The following PCDHA7 variants were observed in gnomAD, a reference collection of about 807,000 sequenced individuals.
PCDHA7 encodes protocadherin alpha 7, also known as protocadherin alpha-7.
In PCDHA7, 37 loss-of-function variants were observed where a neutral mutation model predicts 57.2. That is an observed-to-expected ratio of 0.65 (90% confidence interval 0.50 to 0.85). The LOEUF (loss-of-function observed/expected upper bound fraction) is 0.85. Ranked by LOEUF, PCDHA7 falls within the 40% of genes least tolerant of loss-of-function variation. The probability of loss-of-function intolerance (pLI) is 0.00; values close to 1 mark genes in which losing one functional copy is unlikely to be tolerated. For synonymous variants in PCDHA7, 553 were observed against 558.8 expected, an observed-to-expected ratio of 0.99 and a Z score of 0.15; for missense variants, 1,188 against 1,241.8, an observed-to-expected ratio of 0.96 and a Z score of 0.65.
At chr5:140,858,510 T>A (rs565313627) in intron 1 of PCDHA7, 1 of 1,437,158 alleles carries the variant, frequency 7.0e-7, no homozygotes. Context: ...TTCTCAAATA[T>A]GTATCAGAAT....
chr5:140,915,665 G>A (rs1208319882), intron 1 of PCDHA7, among the ~76,000 whole-genome samples: 1 of 149,092 alleles, frequency 6.7e-6, no homozygotes, highest in African/African-American at 2.5e-5. Context: ...TCAAGGTGCT[G>A]GGCCATCTTG....
At chr5:140,913,503 T>G (rs1334607884) in intron 1 of PCDHA7, among the ~76,000 whole-genome samples, 6 of 152,182 alleles carry the variant, frequency 3.9e-5, no homozygotes, top group African/African-American at 1.4e-4. Context: ...GTTTAAAACT[T>G]TGTCAATTTT....
chr5:140,953,045 C>A (rs1414124229), intron 1 of PCDHA7, among the ~76,000 whole-genome samples: 2 of 152,288 alleles, frequency 1.3e-5, no homozygotes, highest in Admixed American at 6.5e-5. Flanking sequence ...CCCCATGATC[C>A]AATCACCTCT....
At chr5:140,927,627 T>A (rs145171269) in intron 1 of PCDHA7, 5 of 1,614,062 alleles carry the variant, frequency 3.1e-6, no homozygotes, top group Non-Finnish European at 3.4e-6. Flanking sequence ...TTCCAGAGAC[T>A]GCACCCAATG....
chr5:140,882,284 C>T (rs782560108), intron 1 of PCDHA7: 7 of 1,612,734 alleles, frequency 4.3e-6, no homozygotes, highest in Non-Finnish European at 5.9e-6. Context: ...GTCTTCCTGG[C>T]AAGGAGGCCC....
At chr5:140,897,580 G>A (rs1420816335) in intron 1 of PCDHA7, among the ~76,000 whole-genome samples, 1 of 151,964 alleles carries the variant, frequency 6.6e-6, no homozygotes, top group African/African-American at 2.4e-5. Flanking sequence ...TCTTAATCCA[G>A]TCTGTCATTG....
intron 1 of PCDHA7, chr5:140,966,814 CCGG>C (rs2096057641): frequency 1.9e-6 from 3 of 1,552,444 alleles, no homozygotes; most frequent in Non-Finnish European, 2.6e-6. Flanking sequence ...ATCCACGGCT[CCGG>C]CGGCCCATGC....
chr5:140,967,838 G>A, intron 1 of PCDHA7: 1 of 1,614,124 alleles, frequency 6.2e-7, no homozygotes, highest in Non-Finnish European at 8.5e-7. Flanking sequence ...CATCGTGGAC[G>A]TGAATGACAA....
At chr5:140,884,075 T>C (rs2059980601) in intron 1 of PCDHA7, 1 of 1,613,342 alleles carries the variant, frequency 6.2e-7, no homozygotes, top group South Asian at 1.1e-5. Context: ...CGATTCGGGC[T>C]ACAATGCGTG....
chr5:140,927,685 A>G lies in PCDHA7; in HGVS notation c.2356-51264A>G, dbSNP rs782137754. 2.5e-6 allele frequency: 4 copies of G among 1,614,092 alleles called. No individual in the cohort carries two copies. In the African/African-American group the frequency reaches 4.0e-5, roughly 16 times the overall value. ...AGCCTTGGATCCAGATGAAGGGTCC[A>G]ATGGGGAAGTCCAGTACTCCCTAAG... is the stretch of plus-strand genomic sequence containing the variant. On this transcript the variant is annotated intron_variant, in intron 1 of 3. Transcript: ENST00000525929.
At chr5:140,876,437 C>T (rs1554168557) in intron 1 of PCDHA7, 1 of 1,613,906 alleles carries the variant, frequency 6.2e-7, no homozygotes, top group Non-Finnish European at 8.5e-7. Context: ...CAGGTTAACG[C>T]CATTGATAAA....
chr5:140,938,148 A>G (rs563866654), intron 1 of PCDHA7, among the ~76,000 whole-genome samples: 1 of 152,284 alleles, frequency 6.6e-6, no homozygotes, highest in African/African-American at 2.4e-5. Context: ...GTCTCACTAC[A>G]TTGCCCAGGC....
At position 140,835,585 on chromosome 5, in the gene PCDHA7, T is replaced by G; in HGVS notation, c.1202T>G (p.Phe401Cys). The stretch of plus-strand genomic sequence containing the variant: ...GTTCCCTTCAAGTTGGTGTCCACCT[T>G]CAAGAATTACTATTCATTGGTGCTG... ...PRVPFKLVST[F>C]KNYYSLVLDS... Residue 401 changes from phenylalanine (F) to cysteine (C), a missense_variant, in exon 1 of 4, where the codon TTC becomes TGC. This residue lies in a region of PCDHA7 where 892 missense variants were observed against 788.5 expected (regional missense o/e 1.13). Coordinates refer to ENST00000525929, the MANE Select transcript of PCDHA7 (RefSeq NM_018910.3). 1 of 1,613,922 alleles carries G rather than the reference T, an allele frequency of 6.2e-7. No individual in the cohort carries two copies. The highest frequency in any genetic ancestry group is 1.1e-5 in the South Asian group (1 of 91,080).
At position 140,856,753 on chromosome 5, in the gene PCDHA7, T is replaced by C. The variant is rs373420913; in HGVS notation, c.2355+20015T>C. 311 of 1,596,470 alleles carry C rather than the reference T, an allele frequency of 1.9e-4. 24 individuals are homozygous for C. Among genetic ancestry groups the C allele is most frequent in the Non-Finnish European group, 2.6e-4 (309 of 1,166,472 alleles). On this transcript the variant is annotated intron_variant, in intron 1 of 3. Coordinates refer to ENST00000525929, the MANE Select transcript of PCDHA7 (RefSeq NM_018910.3). ...TGCTGATCCTGGTGTTAGATGCCAA[T>C]GATAACGCCCCTATCTTTGACAGAC...
chr5:140,850,924 T>A (rs2150502629), intron 1 of PCDHA7: 3 of 1,517,174 alleles, frequency 2.0e-6, no homozygotes, highest in Non-Finnish European at 1.8e-6. Flanking sequence ...ATTTATATAA[T>A]TTTTTTTCTT....
intron 1 of PCDHA7, chr5:140,858,710 T>C (rs2150436389): frequency 5.6e-6 from 3 of 537,418 alleles, no homozygotes; most frequent in South Asian, 5.1e-5. Flanking sequence ...ATATGTGATA[T>C]AGGTTGCAGT....
At chr5:140,987,334 C>A (rs925665306) in intron 3 of PCDHA7, among the ~76,000 whole-genome samples, 1 of 152,086 alleles carries the variant, frequency 6.6e-6, no homozygotes, top group East Asian at 1.9e-4. Flanking sequence ...AAGAACTGGT[C>A]TAAGGTAAAT....
intron 3 of PCDHA7, among the ~76,000 whole-genome samples, chr5:140,986,901 A>G (rs1289100953): frequency 6.6e-6 from 1 of 152,134 alleles, no homozygotes; most frequent in Non-Finnish European, 1.5e-5. Context: ...GCCCTATCCT[A>G]GACTAATGAA....
Position 140,902,287 on chromosome 5 carries a change from C to T in PCDHA7, c.2355+65549C>T, listed in dbSNP as rs150308530. Among the ~76,000 whole-genome samples the T allele has an allele frequency of 1.9e-3, 280 of 150,946 alleles. 2 individuals are homozygous for T. The highest frequency in any genetic ancestry group is 6.5e-3 in the African/African-American group (266 of 41,018). ...TCCTGGGCTCAAGCAATCCTCCTGC[C>T]TCAGCCTCCCAAAGTGCTGGGATTA... is the stretch of plus-strand genomic sequence containing the variant. On this transcript the variant is annotated intron_variant, in intron 1 of 3. Transcript: ENST00000525929.
Sources: allele counts gnomAD v4.1 joint callset (sites outside exome capture counted in the v4.1 genomes callset), GRCh38; gene constraint gnomAD v4.1.1; regional missense constraint gnomAD v4.1.1; transcripts MANE v1.5; gene names NCBI Gene and HGNC (gene_info 2026-07-23, HGNC 2026-07-21).